Variants in ANK3 observed in about 807,000 individuals in gnomAD.
ANK3 encodes ankyrin-3.
A neutral mutation model predicts 370.9 loss-of-function variants in ANK3; 57 were observed. The ratio of observed to expected loss-of-function variants is 0.15; its 90% CI spans 0.12 to 0.19. The LOEUF (loss-of-function observed/expected upper bound fraction) is 0.19, where lower values mean the gene tolerates loss of function less well. ANK3 is among the 10% of genes least tolerant of loss of function. ANK3 has a pLI of 1.00. For missense variants in ANK3, 4,439 were observed against 5,302.1 expected (o/e 0.84, Z 5.06); for synonymous variants, 1,929 against 1,946.3 (o/e 0.99, Z 0.23).
At chr10:60,601,990 C>T (rs893380522) in intron 2 of ANK3, among the ~76,000 whole-genome samples, 4 of 152,148 alleles carry the variant, frequency 2.6e-5, no homozygotes, top group Non-Finnish European at 5.9e-5. Context: ...TGTGCACAAA[C>T]TTGCTTGTGC....
chr10:60,444,616 A>G (rs982125507), intron 2 of ANK3, among the ~76,000 whole-genome samples: 2 of 152,094 alleles, frequency 1.3e-5, no homozygotes, highest in African/African-American at 2.4e-5. Context: ...AAGGCTTTCC[A>G]TCTCCACAGT....
rs777886916 is a variant in ANK3, at chr10:60,261,965, GA to G, written c.700-9del. On this transcript the variant is annotated splice_polypyrimidine_tract_variant and intron_variant, in intron 6 of 43. Coordinates refer to ENST00000280772, the MANE Select transcript of ANK3 (RefSeq NM_020987.5). The stretch of plus-strand genomic sequence containing the variant: ...GAGCGGAGTGAAGCCACTCTGTAAA[GA>G]AAACATAGCAGACATTCAATTGATT... 1 of 1,610,450 alleles carries G rather than the reference GA, an allele frequency of 6.2e-7. No individual in the cohort carries two copies. Among genetic ancestry groups the G allele is most frequent in the South Asian group, 1.1e-5 (1 of 90,970 alleles).
Position 60,069,229 on chromosome 10 carries a change from A to C in ANK3, c.11652T>G (p.Thr3884=), listed in dbSNP as rs1226124457. Residue 3884 remains threonine (T), a synonymous_variant, in exon 37 of 44, where the codon ACT becomes ACG. Transcript: ENST00000280772. Reference sequence around the variant, plus strand: ...TAACCTGCTTCATTTTACTTGCTTTAGTGTTTGACATATGGTTCGGTGGGA... The same window carrying C: ...TAACCTGCTTCATTTTACTTGCTTTCGTGTTTGACATATGGTTCGGTGGGA... ...DTFPPNHMSN[T]KASKMKQVSQ... The C allele has an allele frequency of 6.2e-7, 1 of 1,613,976 alleles. No homozygotes were observed. Among genetic ancestry groups the C allele is most frequent in the African/African-American group, 1.3e-5 (1 of 74,902 alleles).
chr10:60,040,260 T>C (rs1187735133), intron 43 of ANK3, among the ~76,000 whole-genome samples: 2 of 152,054 alleles, frequency 1.3e-5, no homozygotes, highest in Non-Finnish European at 2.9e-5. Context: ...GACTCAGTCA[T>C]ATTTGGCAGC....
At position 60,685,137 on chromosome 10, in the gene ANK3, T is replaced by A. The variant is rs190841596; in HGVS notation, c.57+48126A>T. The A allele has an allele frequency of 4.8e-4, 366 of 770,048 alleles. 3 individuals carry two copies. In the East Asian group the frequency reaches 0.013, roughly 28 times the overall value. 47.7% of individuals were successfully genotyped at this position (770,048 alleles called of 1,614,324 possible). On this transcript the variant is annotated intron_variant, in intron 1 of 43. Transcript: ENST00000373827. ...TTTTCTCTGGTCTGATTTTGACAAA[T>A]GGAAAAGTGTCTACAGCCTGGTTTG... is the stretch of plus-strand genomic sequence containing the variant.
intron 42 of ANK3, among the ~76,000 whole-genome samples, chr10:60,052,680 A>G (rs2078310129): frequency 6.6e-6 from 1 of 152,210 alleles, no homozygotes; most frequent in African/African-American, 2.4e-5. Context: ...GGGGAAGAGT[A>G]TTTACTGAGT....
At chr10:60,030,262 C>T (rs921065575) in intron 43 of ANK3, among the ~76,000 whole-genome samples, 3 of 152,076 alleles carry the variant, frequency 2.0e-5, no homozygotes, top group Admixed American at 6.5e-5. Context: ...CCTGCCTCAG[C>T]CTCCCGAGTA....
At chr10:60,459,484 A>G (rs1323520219) in intron 2 of ANK3, among the ~76,000 whole-genome samples, 3 of 152,056 alleles carry the variant, frequency 2.0e-5, no homozygotes, top group Non-Finnish European at 4.4e-5. Context: ...TTAAATAACG[A>G]CCTCAGAGTC....
In ANK3 at chr10:60,076,141, C is replaced by T. The variant is rs200016564; in HGVS notation, c.4740G>A (p.Pro1580=). ...PIRSFRTMSS[P]IKTVVSQSPY... ...GAGATTGTGACACCACAGTTTTTATCGGCGAAGACATTGTCCGAAAGGATC... is the reference window on the plus strand; with the variant it reads ...GAGATTGTGACACCACAGTTTTTATTGGCGAAGACATTGTCCGAAAGGATC... The change falls in exon 37 of 44, where the codon CCG becomes CCA. Residue 1580 remains proline (P), a synonymous_variant. Coordinates refer to ENST00000280772, the MANE Select transcript of ANK3 (RefSeq NM_020987.5). The T allele has an allele frequency of 6.8e-6, 11 of 1,614,142 alleles. No individual in the cohort carries two copies. The highest frequency in any genetic ancestry group is 2.7e-5 in the African/African-American group (2 of 75,030).
intron 7 of ANK3, among the ~76,000 whole-genome samples, chr10:60,256,908 A>C (rs2097747082): frequency 6.6e-6 from 1 of 152,230 alleles, no homozygotes; most frequent in Non-Finnish European, 1.5e-5. Flanking sequence ...TGTCTTTGCT[A>C]TCATAAATAG....
At chr10:60,570,116 G>T (rs757201260) in intron 2 of ANK3, among the ~76,000 whole-genome samples, 8 of 152,258 alleles carry the variant, frequency 5.3e-5, no homozygotes, top group Non-Finnish European at 1.0e-4. Context: ...TCTACTTTTT[G>T]ATATGTATCT....
chr10:60,660,682 G>A (rs1420228784), intron 1 of ANK3, among the ~76,000 whole-genome samples: 1 of 152,144 alleles, frequency 6.6e-6, no homozygotes, highest in Non-Finnish European at 1.5e-5. Flanking sequence ...GTTCTCTGGG[G>A]TAGAGGCTGG....
intron 1 of ANK3, among the ~76,000 whole-genome samples, chr10:60,651,692 G>C (rs1160412447): frequency 6.6e-6 from 1 of 152,120 alleles, no homozygotes; most frequent in Admixed American, 6.5e-5. Context: ...CTCTGCCTCA[G>C]TTTTCTCACT....
At chr10:60,483,158 GTTA>G (rs2075267554) in intron 2 of ANK3, among the ~76,000 whole-genome samples, 1 of 152,126 alleles carries the variant, frequency 6.6e-6, no homozygotes, top group South Asian at 2.1e-4. Context: ...CCAAGAATTG[GTTA>G]TTAAGTGGCA....
intron 1 of ANK3, among the ~76,000 whole-genome samples, chr10:60,290,400 T>TC (rs1295784750): frequency 1.0e-5 from 1 of 99,196 alleles, no homozygotes; most frequent in East Asian, 4.1e-4. Context: ...AAGCTTTTAT[T>TC]CTTTTTTTTT....
chr10:60,585,434 G>A (rs1200302192), intron 2 of ANK3, among the ~76,000 whole-genome samples: 1 of 152,122 alleles, frequency 6.6e-6, no homozygotes, highest in Non-Finnish European at 1.5e-5. Flanking sequence ...GAAGTGAAAA[G>A]GCTGAGTGCC....
chr10:60,167,589 T>C (rs909941532), intron 21 of ANK3, among the ~76,000 whole-genome samples: 5 of 152,158 alleles, frequency 3.3e-5, no homozygotes, highest in African/African-American at 2.4e-5. Context: ...TCTTAGATTA[T>C]ATCCATCCAA....
chr10:60,318,530 A>T (rs988500734), intron 1 of ANK3, among the ~76,000 whole-genome samples: 2 of 152,220 alleles, frequency 1.3e-5, no homozygotes, highest in African/African-American at 4.8e-5. Context: ...ATTGACTCAA[A>T]GCAAAATTCA....
At chr10:60,212,653 G>C (rs1275439712) in intron 9 of ANK3, among the ~76,000 whole-genome samples, 1 of 152,044 alleles carries the variant, frequency 6.6e-6, no homozygotes, top group East Asian at 1.9e-4. Flanking sequence ...TCCTAATATT[G>C]TTGAGGAAAC....
Sources: gnomAD v4.1 joint callset for allele counts (sites outside exome capture counted in the v4.1 genomes callset) on GRCh38, gnomAD v4.1.1 for gene constraint, MANE v1.5 for transcripts, NCBI Gene and HGNC (gene_info 2026-07-23, HGNC 2026-07-21) for gene names.